Variants in PCDHGA3 observed in about 807,000 individuals in gnomAD.
The protein encoded by PCDHGA3 is protocadherin gamma-A3.
PCDHGA3 carries 40 observed loss-of-function variants against 58.5 expected under a neutral mutation model. That is an observed-to-expected ratio of 0.68 (90% CI 0.53 to 0.89). The LOEUF is 0.89. Ranked by LOEUF, PCDHGA3 falls within the 40% of genes least tolerant of loss-of-function variation. The probability of loss-of-function intolerance (pLI) is 0.00; values close to 1 mark genes in which losing one functional copy is unlikely to be tolerated. For synonymous variants in PCDHGA3, 530 were observed against 525.7 expected, an observed-to-expected ratio of 1.01 and a Z score of -0.11; for missense variants, 1,223 against 1,195.9, an observed-to-expected ratio of 1.02 and a Z score of -0.33.
rs780502910 is a variant in PCDHGA3, at chr5:141,351,486, AG to A, written c.2424+5030del. 4 of 1,613,982 alleles carry A rather than the reference AG, an allele frequency of 2.5e-6. No homozygotes were observed. The South Asian group carries it at 4.4e-5, about 18-fold the overall frequency. ...GTGATTGCTGGAGCCCTAAACCGGG[AG>A]CAGACAGCAGACTACAACGTCACAA... On this transcript the variant is annotated intron_variant, in intron 1 of 3. Coordinates refer to ENST00000253812, the MANE Select transcript of PCDHGA3 (RefSeq NM_018916.4).
rs1306500688 is a variant in PCDHGA3 at position 141,491,142 on chromosome 5, A to T, written c.2425-3665A>T. ...GTGAGGTGCGCACAGCCCGGGCCTTACTGGAGGATGACTCTGACACCCAGC... is the reference window on the plus strand; with the variant it reads ...GTGAGGTGCGCACAGCCCGGGCCTTTCTGGAGGATGACTCTGACACCCAGC... On this transcript the variant is annotated intron_variant, in intron 1 of 3. Coordinates refer to ENST00000253812, the MANE Select transcript of PCDHGA3 (RefSeq NM_018916.4). This position sits in a 1 kb window ranked among gnomAD's most constrained non-coding sequence, Gnocchi z 6.9. 6.2e-7 allele frequency: 1 copy of T among 1,614,090 alleles called. No homozygotes were observed. Among genetic ancestry groups the T allele is most frequent in the Non-Finnish European group, 8.5e-7 (1 of 1,179,976 alleles).
At position 141,375,614 on chromosome 5, in the gene PCDHGA3, A is replaced by C. The variant is rs904386299; in HGVS notation, c.2424+29157A>C. The C allele has an allele frequency of 1.9e-6, 3 of 1,614,060 alleles. No individual in the cohort carries two copies. The highest frequency in any genetic ancestry group is 1.7e-5 in the Admixed American group (1 of 60,008). Reference sequence around the variant, plus strand: ...CTCCTACGTGTCCATCAACTCCGACACTGGGATTCTGTACGCCCTGCGCTC... The same window carrying C: ...CTCCTACGTGTCCATCAACTCCGACCCTGGGATTCTGTACGCCCTGCGCTC... On this transcript the variant is annotated intron_variant, in intron 1 of 3. Transcript: ENST00000253812.
In PCDHGA3 at chr5:141,432,113, T is replaced by G. The variant is rs1174697940; in HGVS notation, c.2425-62694T>G. 1 of 1,614,078 alleles carries G rather than the reference T, an allele frequency of 6.2e-7. No homozygotes were observed. The highest frequency in any genetic ancestry group is 8.5e-7 in the Non-Finnish European group (1 of 1,180,006). On this transcript the variant is annotated intron_variant, in intron 1 of 3. Coordinates refer to ENST00000253812, the MANE Select transcript of PCDHGA3 (RefSeq NM_018916.4). The surrounding 1 kb of genome is among the most constrained non-coding windows in gnomAD (Gnocchi z 6.0). ...AGACACCAACGACAACCCGCCGGTC[T>G]TCCCTCAGGCCTCCTATTCCGCTTA... is the stretch of plus-strand genomic sequence containing the variant.
At chr5:141,402,976 G>C in intron 1 of PCDHGA3, 5 of 1,608,120 alleles carry the variant, frequency 3.1e-6, no homozygotes, top group Non-Finnish European at 4.2e-6. Context: ...CCAAATGCCA[G>C]CTCCGCGGAA....
chr5:141,389,070 T>C, intron 1 of PCDHGA3: 1 of 1,613,964 alleles, frequency 6.2e-7, no homozygotes, highest in South Asian at 1.1e-5. Flanking sequence ...ATTAACTTCT[T>C]CAAGAAACAC....
chr5:141,374,773 A>T (rs192855761), intron 1 of PCDHGA3: 9 of 1,613,812 alleles, frequency 5.6e-6, no homozygotes, highest in Middle Eastern at 1.6e-4. Context: ...AAATTCTGGT[A>T]ACAGTTCTAG....
chr5:141,364,603 C>T (rs1763435193), intron 1 of PCDHGA3: 2 of 1,614,062 alleles, frequency 1.2e-6, no homozygotes, highest in African/African-American at 1.3e-5. Flanking sequence ...GCAGGATAGA[C>T]CGGGAGGAGC....
intron 1 of PCDHGA3, chr5:141,375,222 G>C: frequency 6.2e-7 from 1 of 1,613,926 alleles, no homozygotes; most frequent in Non-Finnish European, 8.5e-7. Flanking sequence ...GGCCTGAATG[G>C]CCTGGTAACC....
chr5:141,414,040 C>T, intron 1 of PCDHGA3: 2 of 1,611,438 alleles, frequency 1.2e-6, no homozygotes, highest in Non-Finnish European at 1.7e-6. Context: ...CCGAAAATTA[C>T]CTGACACGCA....
At chr5:141,376,944 C>T (rs1773563928) in intron 1 of PCDHGA3, 1 of 167,020 alleles carries the variant, frequency 6.0e-6, no homozygotes, top group Non-Finnish European at 1.3e-5. Context: ...GCCTCGGCCT[C>T]CCAAAGTGCT....
intron 1 of PCDHGA3, chr5:141,430,951 C>T (rs200771871): frequency 3.2e-5 from 51 of 1,610,496 alleles, no homozygotes; most frequent in African/African-American, 1.5e-4. Context: ...AGCGCGGAGT[C>T]CGCATCATCC....
rs979237199 is a variant in PCDHGA3, at chr5:141,477,828, G to C, written c.2425-16979G>C. On this transcript the variant is annotated intron_variant, in intron 1 of 3. Transcript: ENST00000253812. This position sits in a 1 kb window ranked among gnomAD's most constrained non-coding sequence, Gnocchi z 4.9. Reference sequence around the variant, plus strand: ...AATGCCCCCCAGGTCCTATATCCTCGGCCAGGTGGGAGCTCGGTGGAGATG... The same window carrying C: ...AATGCCCCCCAGGTCCTATATCCTCCGCCAGGTGGGAGCTCGGTGGAGATG... The C allele has an allele frequency of 3.7e-6, 6 of 1,614,082 alleles. No individual in the cohort carries two copies. The highest frequency in any genetic ancestry group is 3.4e-6 in the Non-Finnish European group (4 of 1,180,006).
At chr5:141,434,535 A>G (rs939961995) in intron 1 of PCDHGA3, among the ~76,000 whole-genome samples, 1 of 152,230 alleles carries the variant, frequency 6.6e-6, no homozygotes, top group African/African-American at 2.4e-5. Flanking sequence ...ACCACAAACA[A>G]TAGCATGAGT....
chr5:141,405,201 T>C, intron 1 of PCDHGA3: 1 of 1,614,050 alleles, frequency 6.2e-7, no homozygotes, highest in Non-Finnish European at 8.5e-7. Context: ...CGAGCTTTCC[T>C]ACAGACCTAT....
At chr5:141,424,094 A>G (rs1036391991) in intron 1 of PCDHGA3, 11 of 864,422 alleles carry the variant, frequency 1.3e-5, no homozygotes, top group Non-Finnish European at 1.4e-5. Context: ...ATTATTTGCT[A>G]TTACTGCTAA....
Position 141,346,246 on chromosome 5 carries a change from C to G in PCDHGA3, c.2213C>G (p.Ser738Trp), listed in dbSNP as rs767979192. Residue 738 changes from serine to tryptophan, a missense_variant, in exon 1 of 4, where the codon TCG (serine) becomes TGG (tryptophan). Transcript: ENST00000253812. ...GGCGGCTTGGCGAGTACGCCCGGCT[C>G]GCACTTTGTGGGCGCGGACGGGGTT... ...SGGGLASTPG[S>W]HFVGADGVRA... 6.2e-7 allele frequency: 1 copy of G among 1,614,200 alleles called. No homozygotes were observed. The highest frequency in any genetic ancestry group is 1.1e-5 in the South Asian group (1 of 91,084).
At chr5:141,420,311 T>C (rs762191274) in intron 1 of PCDHGA3, 102 of 1,454,698 alleles carry the variant, frequency 7.0e-5, no homozygotes, top group Non-Finnish European at 9.3e-5. Flanking sequence ...CTTTTTATAT[T>C]ACAATATGCC....
chr5:141,356,661 C>G, intron 1 of PCDHGA3: 1 of 1,614,052 alleles, frequency 6.2e-7, no homozygotes, highest in Non-Finnish European at 8.5e-7. Flanking sequence ...ATGCCCGAAT[C>G]ACTTACTCCC....
At chr5:141,418,136 G>C (rs1218707482) in intron 1 of PCDHGA3, 15 of 1,613,984 alleles carry the variant, frequency 9.3e-6, no homozygotes, top group Non-Finnish European at 1.1e-5. Flanking sequence ...AATAGACCGT[G>C]AGCAAATATG....
Sources: gnomAD v4.1 joint callset for allele counts (sites outside exome capture counted in the v4.1 genomes callset) on GRCh38, gnomAD v4.1.1 for gene constraint, Gnocchi (gnomAD v3.1) non-coding constraint, MANE v1.5 for transcripts, NCBI Gene and HGNC (gene_info 2026-07-23, HGNC 2026-07-21) for gene names.